INPP4B: variants seen among roughly 807,000 people sequenced by gnomAD.
The protein encoded by INPP4B is inositol polyphosphate 4-phosphatase type II.
In INPP4B, 55 loss-of-function variants were observed where a neutral mutation model predicts 122.5. The ratio of observed to expected loss-of-function variants is 0.45; its 90% CI spans 0.36 to 0.56. INPP4B has a LOEUF of 0.56. Among genes scored for constraint, INPP4B ranks in the 20% least tolerant of loss-of-function variants. INPP4B has a pLI of 0.00. For synonymous variants in INPP4B, 403 were observed against 388.7 expected, an observed-to-expected ratio of 1.04 and a Z score of -0.43; for missense variants, 1,000 against 1,097.7, an observed-to-expected ratio of 0.91 and a Z score of 1.26.
At chr4:142,594,917 TGC>T (rs1738343350) in intron 2 of INPP4B, among the ~76,000 whole-genome samples, 7 of 132,926 alleles carry the variant, frequency 5.3e-5, no homozygotes, top group Admixed American at 2.6e-4. Context: ...ATCGCGTCAC[TGC>T]ACTCCAGCCT....
intron 7 of INPP4B, among the ~76,000 whole-genome samples, chr4:142,372,545 G>C (rs1790316010): frequency 6.6e-6 from 1 of 151,916 alleles, no homozygotes; most frequent in African/African-American, 2.4e-5. Context: ...ATAGAGGAAG[G>C]TAAAAATAAA....
chr4:142,312,904 G>A (rs1229182704), intron 8 of INPP4B, among the ~76,000 whole-genome samples: 1 of 152,158 alleles, frequency 6.6e-6, no homozygotes, highest in Non-Finnish European at 1.5e-5. Flanking sequence ...GAAGCATCAA[G>A]TCTAGCAGTA....
chr4:142,705,343 C>T (rs1271538358), intron 2 of INPP4B, among the ~76,000 whole-genome samples: 1 of 152,068 alleles, frequency 6.6e-6, no homozygotes, highest in Non-Finnish European at 1.5e-5. Context: ...CAGACTGACT[C>T]TCCTTTTTTT....
chr4:142,059,902 T>C (rs1317489328), intron 25 of INPP4B, among the ~76,000 whole-genome samples: 1 of 152,190 alleles, frequency 6.6e-6, no homozygotes, highest in Non-Finnish European at 1.5e-5. Flanking sequence ...TTTACTGGTA[T>C]TCTGTTCCCT....
In INPP4B at chr4:142,494,088, G is replaced by A. The variant is rs538779382; in HGVS notation, c.-190-31362C>T. On this transcript the variant is annotated intron_variant, in intron 2 of 25. Coordinates refer to ENST00000262992, the MANE Select transcript of INPP4B (RefSeq NM_001101669.3). The stretch of plus-strand genomic sequence containing the variant: ...GAACTTCTTCTTACTGCTGCCATTT[G>A]AAGAAGAACATGTTTGCTTCCCCTT... 2.0e-3 allele frequency among the ~76,000 whole-genome samples: 307 copies of A among 152,204 alleles called. 3 individuals carry two copies. The highest frequency in any genetic ancestry group is 1.7e-3 in the Non-Finnish European group (118 of 67,990).
At chr4:142,590,492 C>T (rs1463797232) in intron 2 of INPP4B, among the ~76,000 whole-genome samples, 1 of 152,062 alleles carries the variant, frequency 6.6e-6, no homozygotes, top group African/African-American at 2.4e-5. Context: ...TTTAGGTTAA[C>T]AATTCCAATA....
At chr4:142,320,203 T>C (rs1440177653) in intron 7 of INPP4B, among the ~76,000 whole-genome samples, 1 of 152,224 alleles carries the variant, frequency 6.6e-6, no homozygotes, top group Non-Finnish European at 1.5e-5. Context: ...AAATCTTCTC[T>C]AACTTCTGTT....
intron 2 of INPP4B, among the ~76,000 whole-genome samples, chr4:142,682,574 T>C (rs1459119125): frequency 6.6e-6 from 1 of 151,966 alleles, no homozygotes; most frequent in African/African-American, 2.4e-5. Context: ...TAACATTTTA[T>C]ACCTAAAACA....
intron 1 of INPP4B, among the ~76,000 whole-genome samples, chr4:142,836,803 A>T (rs536326751): frequency 5.3e-5 from 8 of 152,030 alleles, no homozygotes; most frequent in Admixed American, 4.6e-4. Flanking sequence ...TATGTTAAAA[A>T]ATATATATTA....
At chr4:142,472,664 C>T (rs1255288475) in intron 2 of INPP4B, among the ~76,000 whole-genome samples, 1 of 152,118 alleles carries the variant, frequency 6.6e-6, no homozygotes, top group Non-Finnish European at 1.5e-5. Context: ...CAAATTTTTT[C>T]CTTTGAGTCT....
At chr4:142,560,106 G>T (rs1730121435) in intron 2 of INPP4B, among the ~76,000 whole-genome samples, 1 of 152,106 alleles carries the variant, frequency 6.6e-6, no homozygotes, top group South Asian at 2.1e-4. Flanking sequence ...CACAGAAGGG[G>T]GTTTATCAAG....
chr4:142,047,950 T>G (rs942653103), intron 25 of INPP4B, among the ~76,000 whole-genome samples: 32 of 152,022 alleles, frequency 2.1e-4, no homozygotes, highest in African/African-American at 7.2e-4. Context: ...AGAAAGGAAA[T>G]TAACACTTAT....
intron 2 of INPP4B, among the ~76,000 whole-genome samples, chr4:142,482,641 TAAAAC>T (rs1820698826): frequency 6.6e-6 from 1 of 152,136 alleles, no homozygotes; most frequent in African/African-American, 2.4e-5. Context: ...TTGAAGCACA[TAAAAC>T]AGGCTCTGTA....
intron 25 of INPP4B, among the ~76,000 whole-genome samples, chr4:142,043,319 A>T (rs1416337902): frequency 6.6e-6 from 1 of 152,238 alleles, no homozygotes; most frequent in Non-Finnish European, 1.5e-5. Context: ...ATGGCTTAAA[A>T]CAACAGCAGT....
chr4:142,833,178 A>T (rs1006800080), intron 1 of INPP4B, among the ~76,000 whole-genome samples: 2 of 152,148 alleles, frequency 1.3e-5, no homozygotes, highest in Admixed American at 6.6e-5. Flanking sequence ...GTGAATAGAC[A>T]TAGTTTGTTT....
At chr4:142,236,734 A>T (rs1027175939) in intron 12 of INPP4B, among the ~76,000 whole-genome samples, 14 of 152,092 alleles carry the variant, frequency 9.2e-5, no homozygotes, top group Admixed American at 7.2e-4. Flanking sequence ...TTCCAATTTT[A>T]CCTGCCCTGT....
chr4:142,792,690 TG>T (rs955504050), intron 1 of INPP4B, among the ~76,000 whole-genome samples: 20 of 152,114 alleles, frequency 1.3e-4, no homozygotes, highest in African/African-American at 4.6e-4. Context: ...TCTTCTCAGA[TG>T]GAAAAATCAC....
intron 1 of INPP4B, among the ~76,000 whole-genome samples, chr4:142,805,577 C>A (rs950211107): frequency 1.3e-5 from 2 of 152,140 alleles, no homozygotes; most frequent in African/African-American, 2.4e-5. Context: ...ACAGCAAGAC[C>A]AACCCTTCCT....
intron 2 of INPP4B, among the ~76,000 whole-genome samples, chr4:142,671,008 A>T (rs1361839012): frequency 1.3e-5 from 2 of 152,084 alleles, no homozygotes; most frequent in Non-Finnish European, 2.9e-5. Context: ...AAAAAGCAAG[A>T]CTACCCTAAT....
Sources: allele counts gnomAD v4.1 joint callset (sites outside exome capture counted in the v4.1 genomes callset), GRCh38; gene constraint gnomAD v4.1.1; transcripts MANE v1.5; gene names NCBI Gene and HGNC (gene_info 2026-07-23, HGNC 2026-07-21).